Variants in GLIPR1L2 observed in about 807,000 individuals in gnomAD.
The protein encoded by GLIPR1L2 is GLIPR1-like protein 2.
In GLIPR1L2, 21 loss-of-function variants were observed where a neutral mutation model predicts 28.4. The ratio of observed to expected loss-of-function variants is 0.74; its 90% CI spans 0.52 to 1.06. The LOEUF is 1.06. Among genes scored for constraint, GLIPR1L2 ranks in the 50% least tolerant of loss-of-function variants. GLIPR1L2 has a pLI of 0.00. For synonymous variants in GLIPR1L2, 145 were observed against 139.3 expected (o/e 1.04, Z -0.29); for missense variants, 476 against 416.9 (o/e 1.14, Z -1.23).
chr12:75,423,004 A>C lies in GLIPR1L2; in HGVS notation c.670+15A>C. 1 of 1,611,040 alleles carries C rather than the reference A, an allele frequency of 6.2e-7. No individual in the cohort carries two copies. Among genetic ancestry groups the C allele is most frequent in the South Asian group, 1.1e-5 (1 of 90,424 alleles). On this transcript the variant is annotated intron_variant, in intron 4 of 5. Coordinates refer to ENST00000550916, the MANE Select transcript of GLIPR1L2 (RefSeq NM_001270396.2). ...TTTTCTATGCAGTAAGATAAAGAAA[A>C]TAAACATGAAAAAAATGCATAATGG...
chr12:75,428,562 C>T (rs991902526), intron 4 of GLIPR1L2, among the ~76,000 whole-genome samples: 4 of 151,972 alleles, frequency 2.6e-5, no homozygotes, highest in African/African-American at 9.7e-5. Flanking sequence ...AAGCTGGCTG[C>T]AGAAATTTGC....
At chr12:75,400,268 G>C (rs1193730620) in intron 1 of GLIPR1L2, among the ~76,000 whole-genome samples, 3 of 152,026 alleles carry the variant, frequency 2.0e-5, no homozygotes, top group African/African-American at 7.2e-5. Flanking sequence ...ACAGGCACCT[G>C]CCACCACGCC....
chr12:75,391,136 T>C lies in GLIPR1L2; in HGVS notation c.20T>C (p.Phe7Ser). The change falls in exon 1 of 6, where the codon TTC becomes TCC. Residue 7 changes from phenylalanine to serine, a missense_variant. Coordinates refer to ENST00000550916, the MANE Select transcript of GLIPR1L2 (RefSeq NM_001270396.2). The stretch of plus-strand genomic sequence containing the variant: ...TGGACCATGGAGGCCGCAAGGCCCT[T>C]CGCCCGGGAGTGGAGGGCCCAGTCC... MEAARP[F>S]AREWRAQSLP... 1.9e-6 allele frequency: 3 copies of C among 1,613,740 alleles called. No homozygotes were observed. Among genetic ancestry groups the C allele is most frequent in the Non-Finnish European group, 2.5e-6 (3 of 1,179,854 alleles).
intron 1 of GLIPR1L2, among the ~76,000 whole-genome samples, chr12:75,408,982 A>G (rs965931856): frequency 6.6e-6 from 1 of 152,028 alleles, no homozygotes; most frequent in African/African-American, 2.4e-5. Context: ...TGTTGTATAT[A>G]TGTGTAATCT....
At chr12:75,414,923 A>G (rs2045909443) in intron 3 of GLIPR1L2, among the ~76,000 whole-genome samples, 1 of 152,134 alleles carries the variant, frequency 6.6e-6, no homozygotes, top group Admixed American at 6.6e-5. Context: ...GAACACATAG[A>G]TAAATAACAT....
intron 1 of GLIPR1L2, among the ~76,000 whole-genome samples, chr12:75,395,185 CTA>C (rs1406361783): frequency 1.3e-5 from 2 of 151,976 alleles, no homozygotes; most frequent in Non-Finnish European, 2.9e-5. Context: ...TATAAGATGA[CTA>C]TGTGGCTACA....
At position 75,413,684 on chromosome 12, in the gene GLIPR1L2, A is replaced by G. The variant is rs2045895462; in HGVS notation, c.567A>G (p.Ile189Met). 6.7e-7 allele frequency: 1 copy of G among 1,489,664 alleles called. No homozygotes were observed. Among genetic ancestry groups the G allele is most frequent in the Non-Finnish European group, 9.0e-7 (1 of 1,107,442 alleles). 92.3% of individuals were successfully genotyped at this position (1,489,664 alleles called of 1,614,324 possible). A position where few individuals can be genotyped will look rare whatever the true frequency, so the allele number is the denominator to read the frequency against. The change falls in exon 3 of 6, where the codon ATA (isoleucine) becomes ATG (methionine). Residue 189 changes from isoleucine (I) to methionine (M), a missense_variant. Coordinates refer to ENST00000550916, the MANE Select transcript of GLIPR1L2 (RefSeq NM_001270396.2). ...IGHIIHAAIF[I>M]CNYAPGGTLT... Reference sequence around the variant, plus strand: ...ATATTATACATGCAGCAATTTTCATATGCAACTATGCGCCAGGGTAAGTTA... The same window carrying G: ...ATATTATACATGCAGCAATTTTCATGTGCAACTATGCGCCAGGGTAAGTTA...
At position 75,431,615 on chromosome 12, in the gene GLIPR1L2, A is replaced by G. The variant is rs1291336351; in HGVS notation, c.*454A>G. ...TTTTACTGTTACTGTCATAGTTTTT[A>G]TTGGTGGTAGTGGTATTTTCATGTG... On this transcript the variant is annotated 3_prime_UTR_variant, in exon 6 of 6. Coordinates refer to ENST00000550916, the MANE Select transcript of GLIPR1L2 (RefSeq NM_001270396.2). 6.5e-6 allele frequency: 1 copy of G among 154,196 alleles called. No homozygotes were observed. The highest frequency in any genetic ancestry group is 1.4e-5 in the Non-Finnish European group (1 of 69,372). The allele number at this position is 154,196 out of a possible 1,614,324, so 9.6% of individuals were successfully genotyped here.
chr12:75,393,420 C>G (rs931635459), intron 1 of GLIPR1L2, among the ~76,000 whole-genome samples: 3 of 152,038 alleles, frequency 2.0e-5, no homozygotes, highest in African/African-American at 7.2e-5. Flanking sequence ...TCCTCCCAGG[C>G]CTCTATCACC....
At chr12:75,405,040 T>G (rs990889476) in intron 1 of GLIPR1L2, among the ~76,000 whole-genome samples, 2 of 152,194 alleles carry the variant, frequency 1.3e-5, no homozygotes, top group South Asian at 4.1e-4. Context: ...AATTTGCTAG[T>G]CTACTATAGA....
intron 1 of GLIPR1L2, among the ~76,000 whole-genome samples, chr12:75,403,315 C>T (rs2045762481): frequency 6.6e-6 from 1 of 152,170 alleles, no homozygotes; most frequent in Non-Finnish European, 1.5e-5. Context: ...CCTGTTCTTT[C>T]TTTCAAATGG....
intron 1 of GLIPR1L2, among the ~76,000 whole-genome samples, chr12:75,399,791 A>G (rs2045719823): frequency 6.6e-6 from 1 of 152,222 alleles, no homozygotes; most frequent in African/African-American, 2.4e-5. Context: ...AAAGTCAAAG[A>G]CCATGCCTAC....
chr12:75,403,023 T>C (rs2045759129), intron 1 of GLIPR1L2: 1 of 457,144 alleles, frequency 2.2e-6, no homozygotes. Context: ...ACAGTTATGG[T>C]ACTGCTGTGA....
intron 1 of GLIPR1L2, among the ~76,000 whole-genome samples, chr12:75,409,699 C>T (rs372306470): frequency 2.3e-4 from 31 of 137,248 alleles, no homozygotes; most frequent in Non-Finnish European, 3.9e-4. Context: ...ATATCTAATC[C>T]GATATATATA....
rs147932988 is a variant in GLIPR1L2 at position 75,422,963 on chromosome 12, G to T, written c.644G>T (p.Arg215Leu). The T allele has an allele frequency of 1.9e-6, 3 of 1,612,754 alleles. No homozygotes were observed. The African/African-American group carries it at 4.0e-5, about 22-fold the overall frequency. Residue 215 changes from arginine (R) to leucine (L), a missense_variant, in exon 4 of 6, where the codon CGT (arginine) becomes CTT (leucine). Physicochemically the swap from Arg to Leu is moderately radical, Grantham distance 102 (BLOSUM62 -2). Coordinates refer to ENST00000550916, the MANE Select transcript of GLIPR1L2 (RefSeq NM_001270396.2). ...ATATTTTGTACTCGATGTGGCAGAC[G>T]TGACAAATGCACAGATTTTCTATGC... is the stretch of plus-strand genomic sequence containing the variant. ...PGIFCTRCGR[R>L]DKCTDFLCSN...
At chr12:75,400,297 A>AT (rs940782209) in intron 1 of GLIPR1L2, among the ~76,000 whole-genome samples, 16 of 150,724 alleles carry the variant, frequency 1.1e-4, no homozygotes, top group African/African-American at 3.2e-4. Flanking sequence ...TTTTTTTTGT[A>AT]TTTTTTTTAG....
intron 4 of GLIPR1L2, among the ~76,000 whole-genome samples, chr12:75,428,749 C>G (rs1344052964): frequency 2.0e-5 from 3 of 152,206 alleles, no homozygotes; most frequent in Non-Finnish European, 2.9e-5. Flanking sequence ...GGACATGGTT[C>G]CCTGCCTCCC....
intron 4 of GLIPR1L2, chr12:75,424,089 G>A (rs1002687973): frequency 1.4e-4 from 21 of 152,152 alleles, no homozygotes; most frequent in Non-Finnish European, 2.4e-4. Flanking sequence ...ACCCAGTAAT[G>A]GGATTACTGG....
intron 1 of GLIPR1L2, among the ~76,000 whole-genome samples, chr12:75,400,917 T>TTA (rs10689115): frequency 0.53 from 80,335 of 150,704 alleles, 21,386 homozygotes; most frequent in East Asian, 0.58. Context: ...GAGCATAATT[T>TTA]TATATATATA....
Sources: gnomAD v4.1 joint callset for allele counts (sites outside exome capture counted in the v4.1 genomes callset) on GRCh38, gnomAD v4.1.1 for gene constraint, MANE v1.5 for transcripts, NCBI Gene and HGNC (gene_info 2026-07-23, HGNC 2026-07-21) for gene names.